The following RUNX1 variants were observed in gnomAD, a reference collection of about 807,000 sequenced individuals.
The protein encoded by RUNX1 is RUNX family transcription factor 1.
A neutral mutation model predicts 42.8 loss-of-function variants in RUNX1; 19 were observed. That is an observed-to-expected ratio of 0.44 (90% CI 0.31 to 0.65). RUNX1 has a LOEUF of 0.65. RUNX1 is among the 30% of genes least tolerant of loss of function. The probability of loss-of-function intolerance (pLI) is 0.07; values close to 1 mark genes in which losing one functional copy is unlikely to be tolerated. For missense variants in RUNX1, 528 were observed against 672.0 expected, an observed-to-expected ratio of 0.79 and a Z score of 2.37; for synonymous variants, 271 against 289.4, an observed-to-expected ratio of 0.94 and a Z score of 0.64.
Position 34,790,573 on chromosome 21 carries a change from C to T in RUNX1, c.*1562G>A, listed in dbSNP as rs1200223719. On this transcript the variant is annotated 3_prime_UTR_variant, in exon 9 of 9. Transcript: ENST00000675419. ...ATTGGATACCTTTGAATTGTAGCCA[C>T]GGACAGTAGTGACATGAATCTTTCC... 7 of 233,370 alleles carry T rather than the reference C, an allele frequency of 3.0e-5. No homozygotes were observed. The highest frequency in any genetic ancestry group is 3.6e-4 in the South Asian group (2 of 5,526). 14.5% of individuals were successfully genotyped at this position (233,370 alleles called of 1,614,324 possible). A position where few individuals can be genotyped will look rare whatever the true frequency, so the allele number is the denominator to read the frequency against.
chr21:34,985,767 TTC>T (rs2058881418), intron 2 of RUNX1, among the ~76,000 whole-genome samples: 1 of 152,140 alleles, frequency 6.6e-6, no homozygotes, highest in Non-Finnish European at 1.5e-5. Context: ...TTATAGTCAT[TTC>T]ACTGCCACCA....
intron 2 of RUNX1, among the ~76,000 whole-genome samples, chr21:34,981,588 AT>A (rs1442875469): frequency 6.6e-6 from 1 of 152,224 alleles, no homozygotes; most frequent in Non-Finnish European, 1.5e-5. Flanking sequence ...TTATTTATGG[AT>A]TTAGTAATGA....
Position 34,887,169 on chromosome 21 carries a change from G to C in RUNX1, c.98-73C>G, listed in dbSNP as rs1209351132. 4 of 1,587,882 alleles carry C rather than the reference G, an allele frequency of 2.5e-6. No individual in the cohort carries two copies. The African/African-American group carries it at 4.0e-5, about 16-fold the overall frequency. Reference sequence around the variant, plus strand: ...AACAGCTCCTACCAGACGGCGACAGGGGCGCGGATCTTCAGCAAGCAGCTC... The same window carrying C: ...AACAGCTCCTACCAGACGGCGACAGCGGCGCGGATCTTCAGCAAGCAGCTC... On this transcript the variant is annotated intron_variant, in intron 3 of 8. Transcript: ENST00000675419.
chr21:34,973,947 A>C (rs2058781102), intron 2 of RUNX1, among the ~76,000 whole-genome samples: 1 of 152,154 alleles, frequency 6.6e-6, no homozygotes, highest in East Asian at 1.9e-4. Flanking sequence ...CTTCTAGCCC[A>C]CTTTGCCTTT....
At chr21:34,895,054 T>TC (rs1191456686) in intron 2 of RUNX1, among the ~76,000 whole-genome samples, 4 of 151,936 alleles carry the variant, frequency 2.6e-5, no homozygotes, top group East Asian at 1.9e-4. Flanking sequence ...TTCACTTTTA[T>TC]CCCCCCCGTC....
At chr21:34,949,256 G>A (rs1184896624) in intron 2 of RUNX1, among the ~76,000 whole-genome samples, 2 of 152,192 alleles carry the variant, frequency 1.3e-5, no homozygotes, top group African/African-American at 4.8e-5. Context: ...AGTATCAGTA[G>A]AGCAAGTTGT....
intron 2 of RUNX1, among the ~76,000 whole-genome samples, chr21:34,926,982 G>GGGAC (rs1422790438): frequency 6.6e-6 from 1 of 152,158 alleles, no homozygotes; most frequent in Admixed American, 6.5e-5. Context: ...TTCCCCAGAG[G>GGGAC]TCCCTTTGGC....
At chr21:34,832,196 T>C (rs1044789508) in intron 7 of RUNX1, among the ~76,000 whole-genome samples, 3 of 152,194 alleles carry the variant, frequency 2.0e-5, no homozygotes, top group Non-Finnish European at 4.4e-5. Flanking sequence ...ACTAAGCATA[T>C]AGGTCTCCAA....
chr21:34,908,596 A>G (rs1343987733), intron 2 of RUNX1, among the ~76,000 whole-genome samples: 3 of 152,110 alleles, frequency 2.0e-5, no homozygotes, highest in African/African-American at 7.2e-5. Context: ...GGGGAGGTGC[A>G]ATCTCCATTC....
intron 5 of RUNX1, among the ~76,000 whole-genome samples, chr21:34,869,448 A>T (rs1034619674): frequency 1.3e-5 from 2 of 152,138 alleles, no homozygotes; most frequent in Non-Finnish European, 2.9e-5. Context: ...TCGCTAATAG[A>T]TGTGTGTGTT....
intron 2 of RUNX1, among the ~76,000 whole-genome samples, chr21:35,025,895 C>T (rs373288014): frequency 2.0e-4 from 30 of 152,184 alleles, no homozygotes; most frequent in African/African-American, 7.0e-4. Flanking sequence ...ATCTAGGGTG[C>T]TTGCTCGTTA....
At chr21:34,883,622 C>T (rs1942310325) in intron 4 of RUNX1, among the ~76,000 whole-genome samples, 1 of 152,116 alleles carries the variant, frequency 6.6e-6, no homozygotes, top group Non-Finnish European at 1.5e-5. Context: ...ACCAAACAGG[C>T]AAGAAGGGAC....
At chr21:34,831,447 T>A (rs2057062575) in intron 7 of RUNX1, among the ~76,000 whole-genome samples, 1 of 152,196 alleles carries the variant, frequency 6.6e-6, no homozygotes, top group Non-Finnish European at 1.5e-5. Flanking sequence ...TGCTATTCTA[T>A]ATCAGTATTT....
At chr21:35,027,985 A>T (rs1457095784) in intron 2 of RUNX1, among the ~76,000 whole-genome samples, 1 of 152,186 alleles carries the variant, frequency 6.6e-6, no homozygotes, top group Non-Finnish European at 1.5e-5. Flanking sequence ...GAACTGAGAG[A>T]CTAGACTAAG....
Position 34,792,544 on chromosome 21 carries a change from G to C in RUNX1, c.1034C>G (p.Pro345Arg), listed in dbSNP as rs774629580. Residue 345 changes from proline to arginine, a missense_variant, in exon 9 of 9, where the codon CCC (proline) becomes CGC (arginine). Physicochemically the swap from Pro to Arg is moderately radical, Grantham distance 103. Coordinates refer to ENST00000675419, the MANE Select transcript of RUNX1 (RefSeq NM_001754.5). This position sits in a 1 kb window ranked among gnomAD's most constrained non-coding sequence, Gnocchi z 6.9. ...GAAGGCGCCTGGATAGTGCATGCGG[G>C]GGTCGGAGATGGAGGGCAGCGCGGG... ...QFPALPSISD[P>R]RMHYPGAFTY... 5 of 1,607,076 alleles carry C rather than the reference G, an allele frequency of 3.1e-6. No individual in the cohort carries two copies. The highest frequency in any genetic ancestry group is 1.3e-5 in the African/African-American group (1 of 74,830).
At chr21:34,972,815 T>G (rs2058772489) in intron 2 of RUNX1, among the ~76,000 whole-genome samples, 1 of 152,138 alleles carries the variant, frequency 6.6e-6, no homozygotes, top group Non-Finnish European at 1.5e-5. Context: ...ATAATCCCAT[T>G]GTCCAGTTGC....
At chr21:34,849,476 ATATAT>A (rs2057385721) in intron 6 of RUNX1, among the ~76,000 whole-genome samples, 1 of 98,360 alleles carries the variant, frequency 1.0e-5, no homozygotes, top group Non-Finnish European at 1.9e-5. Flanking sequence ...TATATATAAT[ATATAT>A]TATATATATA....
chr21:35,000,493 GC>G (rs1358090009), intron 2 of RUNX1, among the ~76,000 whole-genome samples: 2 of 151,936 alleles, frequency 1.3e-5, no homozygotes, highest in Non-Finnish European at 1.5e-5. Flanking sequence ...GCCCACCTCG[GC>G]CTCCCAAAGT....
intron 2 of RUNX1, among the ~76,000 whole-genome samples, chr21:35,022,335 T>C (rs2242890): frequency 0.52 from 79,057 of 152,018 alleles, 21,311 homozygotes; most frequent in Non-Finnish European, 0.57. Flanking sequence ...CTTGATGGAG[T>C]CCGCTGGTTT....
Sources: allele counts gnomAD v4.1 joint callset (sites outside exome capture counted in the v4.1 genomes callset), GRCh38; gene constraint gnomAD v4.1.1; non-coding constraint Gnocchi (gnomAD v3.1); transcripts MANE v1.5; gene names NCBI Gene and HGNC (gene_info 2026-07-23, HGNC 2026-07-21).